Variants in STXBP5L observed in about 807,000 individuals in gnomAD.
STXBP5L encodes syntaxin-binding protein 5-like.
STXBP5L carries 65 observed loss-of-function variants against 144.5 expected under a neutral mutation model. The ratio of observed to expected loss-of-function variants is 0.45; its 90% CI spans 0.37 to 0.55. The LOEUF (loss-of-function observed/expected upper bound fraction) is 0.55, where lower values mean the gene tolerates loss of function less well. STXBP5L is among the 20% of genes least tolerant of loss of function. The pLI is 0.00. For missense variants in STXBP5L, 1,298 were observed against 1,405.5 expected (o/e 0.92, Z 1.22); for synonymous variants, 505 against 469.6 (o/e 1.08, Z -0.97).
At chr3:121,417,637 G>C (rs2047269381) in intron 25 of STXBP5L, among the ~76,000 whole-genome samples, 1 of 152,034 alleles carries the variant, frequency 6.6e-6, no homozygotes, top group South Asian at 2.1e-4. Flanking sequence ...GGCTAATTTT[G>C]TACTTTTGGT....
rs1005766284 is a variant in STXBP5L, at chr3:121,257,237, A to G, written c.1736A>G (p.Asp579Gly). The G allele has an allele frequency of 6.2e-7, 1 of 1,613,814 alleles. No homozygotes were observed. Among genetic ancestry groups the G allele is most frequent in the African/African-American group, 1.3e-5 (1 of 74,934 alleles). Residue 579 changes from aspartate to glycine, a missense_variant, in exon 17 of 27, where the codon GAT (aspartate) becomes GGT (glycine). By Grantham distance (94) the Asp-to-Gly change is moderately conservative. Transcript: ENST00000471454. ...PEPETSPPFPDLSAQLPSSRS... is the reference protein window; with the variant it reads ...PEPETSPPFPGLSAQLPSSRS... ...CCAGAAACAAGTCCTCCGTTTCCAG[A>G]TCTCTCAGCCCAGCTTCCTTCTTCA...
At chr3:121,047,999 C>T (rs904300372) in intron 5 of STXBP5L, among the ~76,000 whole-genome samples, 2 of 152,028 alleles carry the variant, frequency 1.3e-5, no homozygotes, top group African/African-American at 4.8e-5. Context: ...CTTTGCTTTC[C>T]ATATTTAGCA....
chr3:120,909,626 C>G lies in STXBP5L; in HGVS notation c.48C>G (p.Ser16=). 1.9e-6 allele frequency: 3 copies of G among 1,613,508 alleles called. No individual in the cohort carries two copies. Among genetic ancestry groups the G allele is most frequent in the Non-Finnish European group, 2.5e-6 (3 of 1,179,758 alleles). Residue 16 remains serine (S), a synonymous_variant, in exon 2 of 27, where the codon TCC becomes TCG. Transcript: ENST00000471454. ...AAGTTTTGGATGGCTTAACTGCCTC[C>G]TCCCCTGGCAGTGGTAGCAGCAGTG... The part of the protein sequence containing the change: ...FRKVLDGLTA[S]SPGSGSSSGS...
chr3:121,059,617 T>G (rs1346399599), intron 5 of STXBP5L, among the ~76,000 whole-genome samples: 1 of 152,184 alleles, frequency 6.6e-6, no homozygotes, highest in Non-Finnish European at 1.5e-5. Flanking sequence ...GCATGGAATG[T>G]TTTTCCGTTT....
intron 3 of STXBP5L, among the ~76,000 whole-genome samples, chr3:120,984,512 G>T (rs638724): frequency 0.38 from 56,905 of 151,510 alleles, 10,878 homozygotes; most frequent in Non-Finnish European, 0.4. Flanking sequence ...AGTTCTAACG[G>T]GATTTTTTTT....
chr3:121,057,142 A>G (rs1210342048), intron 5 of STXBP5L, among the ~76,000 whole-genome samples: 1 of 151,974 alleles, frequency 6.6e-6, no homozygotes, highest in East Asian at 1.9e-4. Context: ...TGCAACATGG[A>G]TGAAACTCAT....
intron 2 of STXBP5L, among the ~76,000 whole-genome samples, chr3:120,914,969 T>C (rs540732180): frequency 6.6e-6 from 1 of 152,206 alleles, no homozygotes; most frequent in Admixed American, 6.5e-5. Flanking sequence ...AGGGGCAGGC[T>C]TGAGTAAAGG....
intron 9 of STXBP5L, among the ~76,000 whole-genome samples, chr3:121,198,085 T>A (rs538447967): frequency 6.6e-6 from 1 of 152,318 alleles, no homozygotes; most frequent in African/African-American, 2.4e-5. Flanking sequence ...TCTTCCACAT[T>A]GATTGAAGTA....
chr3:121,313,175 G>A (rs1340117189), intron 19 of STXBP5L, among the ~76,000 whole-genome samples: 7 of 141,310 alleles, frequency 5.0e-5, no homozygotes, highest in Admixed American at 7.0e-5. Flanking sequence ...GGGCAGAGGC[G>A]CCCCTCACCT....
intron 6 of STXBP5L, among the ~76,000 whole-genome samples, chr3:121,117,452 A>G (rs1426796999): frequency 6.6e-6 from 1 of 151,820 alleles, no homozygotes; most frequent in African/African-American, 2.4e-5. Flanking sequence ...TTTAAATGCC[A>G]ATTTCCAATC....
At chr3:120,989,801 TC>T (rs1942653763) in intron 3 of STXBP5L, among the ~76,000 whole-genome samples, 1 of 152,066 alleles carries the variant, frequency 6.6e-6, no homozygotes, top group African/African-American at 2.4e-5. Flanking sequence ...AAGTAATTTT[TC>T]TCTCTAAAAT....
intron 5 of STXBP5L, among the ~76,000 whole-genome samples, chr3:121,110,990 T>C (rs962154818): frequency 7.2e-5 from 11 of 152,300 alleles, no homozygotes; most frequent in African/African-American, 2.4e-4. Flanking sequence ...CAAGATAGTC[T>C]TCAAGCTCTG....
At chr3:121,154,834 T>C (rs1177462167) in intron 8 of STXBP5L, among the ~76,000 whole-genome samples, 1 of 151,830 alleles carries the variant, frequency 6.6e-6, no homozygotes, top group Non-Finnish European at 1.5e-5. Context: ...AAGTCTTGTT[T>C]AGTTAATTCA....
At chr3:120,960,980 A>G (rs543808718) in intron 3 of STXBP5L, among the ~76,000 whole-genome samples, 3 of 151,828 alleles carry the variant, frequency 2.0e-5, no homozygotes, top group Non-Finnish European at 4.4e-5. Flanking sequence ...TTTTTTTTAA[A>G]TTACTGTTTA....
At chr3:121,238,854 A>G in intron 12 of STXBP5L, 117 bp from the exon 13 acceptor site, 2 of 1,087,378 alleles carry the variant, frequency 1.8e-6, no homozygotes, top group Non-Finnish European at 2.4e-6. Flanking sequence ...TATGGTACTT[A>G]AAAAACAAGC....
chr3:121,005,372 G>T (rs1477867450), intron 3 of STXBP5L, among the ~76,000 whole-genome samples: 4 of 152,156 alleles, frequency 2.6e-5, no homozygotes, highest in Non-Finnish European at 5.9e-5. Context: ...ATGGTAGTTT[G>T]TATTTCTGTG....
At chr3:121,160,200 T>A (rs564348211) in intron 9 of STXBP5L, among the ~76,000 whole-genome samples, 166 of 152,086 alleles carry the variant, frequency 1.1e-3, no homozygotes, top group Non-Finnish European at 1.8e-3. Context: ...GCTGAGAGAG[T>A]GCTATTAAAT....
At position 121,143,584 on chromosome 3, in the gene STXBP5L, T is replaced by C. The variant is rs147173049; in HGVS notation, c.670-8893T>C. On this transcript the variant is annotated intron_variant, in intron 7 of 26. Transcript: ENST00000471454. ...TACAAGGCTACAATAATTAATGTAG[T>C]ATGACAATTGCATAAAAACAGACAT... is the stretch of plus-strand genomic sequence containing the variant. Among the ~76,000 whole-genome samples, 445 of 151,862 alleles carry C rather than the reference T, an allele frequency of 2.9e-3. 3 individuals are homozygous for C. The highest frequency in any genetic ancestry group is 3.3e-3 in the Admixed American group (50 of 15,242).
intron 11 of STXBP5L, among the ~76,000 whole-genome samples, chr3:121,231,339 T>C (rs1490233443): frequency 6.6e-6 from 1 of 152,204 alleles, no homozygotes; most frequent in Non-Finnish European, 1.5e-5. Flanking sequence ...GATGATTAAA[T>C]GCCTTAAAAG....
Sources: gnomAD v4.1 joint callset for allele counts (sites outside exome capture counted in the v4.1 genomes callset) on GRCh38, gnomAD v4.1.1 for gene constraint, MANE v1.5 for transcripts, NCBI Gene and HGNC (gene_info 2026-07-23, HGNC 2026-07-21) for gene names.